COBL: variants seen among roughly 807,000 people sequenced by gnomAD.
The protein encoded by COBL is protein cordon-bleu.
In COBL, 51 loss-of-function variants were observed where a neutral mutation model predicts 98.8. That is an observed-to-expected ratio of 0.52 (90% CI 0.41 to 0.65). The LOEUF (loss-of-function observed/expected upper bound fraction) is 0.65, where lower values mean the gene tolerates loss of function less well. Ranked by LOEUF, COBL falls within the 30% of genes least tolerant of loss-of-function variation. The pLI is 0.00. For synonymous variants in COBL, 634 were observed against 651.7 expected, an observed-to-expected ratio of 0.97 and a Z score of 0.41; for missense variants, 1,617 against 1,617.5, an observed-to-expected ratio of 1.00 and a Z score of 0.01.
chr7:51,178,029 T>G (rs567797753), intron 5 of COBL, among the ~76,000 whole-genome samples: 21 of 151,808 alleles, frequency 1.4e-4, no homozygotes, highest in African/African-American at 5.1e-4. Flanking sequence ...GCCTGTCATC[T>G]CAGCTACTGC....
At chr7:51,197,067 C>G (rs1291869549) in intron 2 of COBL, among the ~76,000 whole-genome samples, 1 of 151,842 alleles carries the variant, frequency 6.6e-6, no homozygotes, top group Non-Finnish European at 1.5e-5. Context: ...CTTCTGCTAG[C>G]TTTAGGGTTG....
chr7:51,291,799 A>G (rs1227172624), intron 1 of COBL, among the ~76,000 whole-genome samples: 3 of 152,140 alleles, frequency 2.0e-5, no homozygotes, highest in Non-Finnish European at 4.4e-5. Flanking sequence ...CAATCAGCAC[A>G]GAAGTATTTA....
chr7:51,220,312 G>A (rs544303077), intron 1 of COBL, among the ~76,000 whole-genome samples: 1 of 152,244 alleles, frequency 6.6e-6, no homozygotes, highest in African/African-American at 2.4e-5. Flanking sequence ...AATGAATCAG[G>A]TGGGCTCACT....
chr7:51,211,494 C>A (rs1314518068), intron 2 of COBL, among the ~76,000 whole-genome samples: 1 of 152,216 alleles, frequency 6.6e-6, no homozygotes, highest in Non-Finnish European at 1.5e-5. Context: ...GTGGTAGGCA[C>A]AAGGTCAGTA....
At chr7:51,054,074 G>A (rs563401072) in intron 7 of COBL, among the ~76,000 whole-genome samples, 23 of 152,182 alleles carry the variant, frequency 1.5e-4, no homozygotes, top group Admixed American at 1.2e-3. Flanking sequence ...CCAGCTACTC[G>A]GGAGGCTGAG....
chr7:51,274,303 C>T (rs1157890626), intron 1 of COBL, among the ~76,000 whole-genome samples: 2 of 152,186 alleles, frequency 1.3e-5, no homozygotes, highest in Non-Finnish European at 2.9e-5. Flanking sequence ...GAGAAGAGCA[C>T]CCTGTCCTTT....
intron 7 of COBL, among the ~76,000 whole-genome samples, chr7:51,068,473 A>G (rs1792183211): frequency 1.3e-5 from 2 of 152,240 alleles, no homozygotes; most frequent in East Asian, 1.9e-4. Flanking sequence ...ATTAAAACCT[A>G]TATTTTGCTA....
chr7:51,299,412 T>G lies in COBL; in HGVS notation c.41+17181A>C, dbSNP rs1463416729. ...TATGGACATCCAAATTTTACCTATC[T>G]TCTCCTATCTGTCTCTCTTTCTTCC... On this transcript the variant is annotated intron_variant, in intron 1 of 12. Transcript: ENST00000265136. Among the ~76,000 whole-genome samples, 3 of 152,252 alleles carry G rather than the reference T, an allele frequency of 2.0e-5. No homozygotes were observed. In the East Asian group the frequency reaches 5.8e-4, roughly 29 times the overall value.
intron 4 of COBL, among the ~76,000 whole-genome samples, chr7:51,185,709 T>C (rs1426281937): frequency 2.0e-5 from 3 of 152,180 alleles, no homozygotes; most frequent in Non-Finnish European, 2.9e-5. Flanking sequence ...TGGACTGGGA[T>C]TTTACAAATT....
chr7:51,205,072 C>T (rs1791543783), intron 2 of COBL, among the ~76,000 whole-genome samples: 1 of 152,134 alleles, frequency 6.6e-6, no homozygotes, highest in Non-Finnish European at 1.5e-5. Flanking sequence ...AATATTGTTA[C>T]AATTTCCATA....
chr7:51,025,194 G>T lies in COBL; in HGVS notation c.3683C>A (p.Thr1228Lys). ...SAPRTASRFS[T>K]GTLSNTADAR... ...GTCTGCGGTGTTGCTGAGGGTGCCC[G>T]TGCTGAACCTGGAGGCCGTCCTTGG... Residue 1228 changes from threonine (T) to lysine (K), a missense_variant, in exon 12 of 13, where the codon ACG (threonine) becomes AAG (lysine). Around this residue, in one of 3 missense-constraint regions of COBL, gnomAD observed 1,304 missense variants for 1,282.0 expected, o/e 1.02. Coordinates refer to ENST00000265136, the MANE Select transcript of COBL (RefSeq NM_015198.5). The T allele has an allele frequency of 6.2e-7, 1 of 1,610,608 alleles. No individual in the cohort carries two copies. Among genetic ancestry groups the T allele is most frequent in the Non-Finnish European group, 8.5e-7 (1 of 1,179,398 alleles).
rs1363061617 is a variant in COBL at position 51,025,332 on chromosome 7, T to C, written c.3545A>G (p.Asp1182Gly). 3.1e-6 allele frequency: 5 copies of C among 1,613,306 alleles called. No homozygotes were observed. The African/African-American group carries it at 6.7e-5, about 22-fold the overall frequency. Residue 1182 changes from aspartate (D) to glycine (G), a missense_variant, in exon 12 of 13, where the codon GAT becomes GGT. Coordinates refer to ENST00000265136, the MANE Select transcript of COBL (RefSeq NM_015198.5). ...SASEELQSFRDAALSAQGSES... is the reference protein window; with the variant it reads ...SASEELQSFRGAALSAQGSES... ...CGAGCCCTGAGCAGAGAGTGCGGCA[T>C]CTCGGAAGCTCTGGAGCTCCTCAGA...
At chr7:51,252,900 G>T (rs1462979742) in intron 1 of COBL, among the ~76,000 whole-genome samples, 1 of 152,108 alleles carries the variant, frequency 6.6e-6, no homozygotes, top group African/African-American at 2.4e-5. Context: ...TCTTGCCCAG[G>T]TCAAGGTTGC....
intron 5 of COBL, among the ~76,000 whole-genome samples, chr7:51,178,259 A>G (rs1788605000): frequency 1.3e-5 from 2 of 152,176 alleles, no homozygotes; most frequent in African/African-American, 2.4e-5. Context: ...AAGGTTATTT[A>G]AAAGCTGTTT....
At chr7:51,243,423 T>C (rs1456224687) in intron 1 of COBL, among the ~76,000 whole-genome samples, 1 of 152,226 alleles carries the variant, frequency 6.6e-6, no homozygotes, top group Non-Finnish European at 1.5e-5. Context: ...CAGCTGCTAC[T>C]ACGGGATCTA....
chr7:51,223,373 T>A (rs924410224), intron 1 of COBL, among the ~76,000 whole-genome samples: 4 of 152,262 alleles, frequency 2.6e-5, no homozygotes, highest in African/African-American at 9.6e-5. Context: ...GAAAAAAGGT[T>A]TGATGATGCC....
At position 51,162,077 on chromosome 7, in the gene COBL, T is replaced by G. The variant is rs987126143; in HGVS notation, c.783+22025A>C. Among the ~76,000 whole-genome samples, 31 of 152,224 alleles carry G rather than the reference T, an allele frequency of 2.0e-4. 1 individual carries two copies. The highest frequency in any genetic ancestry group is 6.8e-4 in the African/African-American group (28 of 41,458). ...AGAGACCCGAGAGCTAACTCACACCTTATCATTAACCGGCATCCACAACTG... is the reference window on the plus strand; with the variant it reads ...AGAGACCCGAGAGCTAACTCACACCGTATCATTAACCGGCATCCACAACTG... On this transcript the variant is annotated intron_variant, in intron 5 of 12. Transcript: ENST00000265136.
intron 5 of COBL, among the ~76,000 whole-genome samples, chr7:51,182,285 CTT>C (rs59385484): frequency 1.8e-3 from 261 of 143,116 alleles, no homozygotes; most frequent in Middle Eastern, 7.2e-3. Flanking sequence ...TTCTGATTCT[CTT>C]TTTTTTTTTT....
At chr7:51,059,416 C>T (rs954092327) in intron 7 of COBL, among the ~76,000 whole-genome samples, 18 of 152,248 alleles carry the variant, frequency 1.2e-4, no homozygotes, top group African/African-American at 4.1e-4. Context: ...TAAGTGAGGA[C>T]TTACTGTATA....
Sources: gnomAD v4.1 joint callset for allele counts (sites outside exome capture counted in the v4.1 genomes callset) on GRCh38, gnomAD v4.1.1 for gene constraint, gnomAD v4.1.1 regional missense constraint, MANE v1.5 for transcripts, NCBI Gene and HGNC (gene_info 2026-07-23, HGNC 2026-07-21) for gene names.